Variants in PPP1R12B observed in about 807,000 individuals in gnomAD.
PPP1R12B encodes myosin phosphatase target subunit 2.
In PPP1R12B, 76 loss-of-function variants were observed where a neutral mutation model predicts 126.1. The observed-to-expected ratio is 0.60, with a 90% confidence interval of 0.50 to 0.73. PPP1R12B has a LOEUF of 0.73. PPP1R12B is among the 30% of genes least tolerant of loss of function. The pLI is 0.00. For missense variants in PPP1R12B, 1,052 were observed against 1,205.1 expected (o/e 0.87, Z 1.88); for synonymous variants, 356 against 434.7 (o/e 0.82, Z 2.25).
In PPP1R12B at chr1:202,587,144, T is replaced by TAAAG. The variant is rs146474521; in HGVS notation, c.*6586_*6589dup. The TAAAG allele has an allele frequency of 6.6e-6, 1 of 152,212 alleles. No homozygotes were observed. The highest frequency in any genetic ancestry group is 1.5e-5 in the Non-Finnish European group (1 of 68,046). 9.4% of individuals were successfully genotyped at this position (152,212 alleles called of 1,614,324 possible). A position where few individuals can be genotyped will look rare whatever the true frequency, so the allele number is the denominator to read the frequency against. ...CCAAATTTTTCCCTGATGTTTCCAA[T>TAAAG]AAAGATTTACTTGGGTGGCCCCTTA... On this transcript the variant is annotated 3_prime_UTR_variant, in exon 24 of 24. Transcript: ENST00000608999.
chr1:202,534,107 A>G (rs184959124), intron 18 of PPP1R12B, among the ~76,000 whole-genome samples: 28 of 152,180 alleles, frequency 1.8e-4, no homozygotes, highest in East Asian at 7.7e-4. Flanking sequence ...ATTTATATCA[A>G]TGTCTACTCA....
At chr1:202,370,613 T>C (rs1443763072) in intron 1 of PPP1R12B, among the ~76,000 whole-genome samples, 3 of 152,168 alleles carry the variant, frequency 2.0e-5, no homozygotes, top group Non-Finnish European at 4.4e-5. Flanking sequence ...CTCAGCTCAC[T>C]GCAACCTCCG....
chr1:202,414,856 C>T (rs1240969592), intron 1 of PPP1R12B, among the ~76,000 whole-genome samples: 2 of 152,162 alleles, frequency 1.3e-5, no homozygotes, highest in East Asian at 1.9e-4. Flanking sequence ...GATCACAGCT[C>T]ACTGCAGCCT....
intron 7 of PPP1R12B, 78 bp from the exon 8 acceptor site, chr1:202,431,402 T>C (rs1168024046): frequency 3.3e-6 from 4 of 1,195,644 alleles, no homozygotes; most frequent in South Asian, 1.7e-5. Flanking sequence ...CTTCCACATA[T>C]AGGTTTATAG....
At chr1:202,523,038 A>G (rs757665920) in intron 18 of PPP1R12B, among the ~76,000 whole-genome samples, 17 of 152,242 alleles carry the variant, frequency 1.1e-4, no homozygotes, top group Non-Finnish European at 2.5e-4. Context: ...GAACAGCATA[A>G]TTAACCAGCT....
At chr1:202,457,454 G>A (rs183164519) in intron 13 of PPP1R12B, among the ~76,000 whole-genome samples, 5 of 151,848 alleles carry the variant, frequency 3.3e-5, no homozygotes, top group Non-Finnish European at 2.9e-5. Context: ...TAAGGAGGCC[G>A]AGGCAGGAGA....
intron 1 of PPP1R12B, among the ~76,000 whole-genome samples, chr1:202,353,373 T>C (rs538683239): frequency 1.2e-4 from 18 of 152,260 alleles, no homozygotes; most frequent in African/African-American, 3.9e-4. Flanking sequence ...TCCTGTTTGC[T>C]CCTTTATTAT....
chr1:202,469,240 A>G (rs1231054243), intron 13 of PPP1R12B, among the ~76,000 whole-genome samples: 5 of 152,220 alleles, frequency 3.3e-5, no homozygotes, highest in African/African-American at 1.2e-4. Flanking sequence ...TGTGGGTAGA[A>G]TAGCACTTTT....
At chr1:202,446,174 G>GAAAC (rs1324307712) in intron 12 of PPP1R12B, among the ~76,000 whole-genome samples, 1 of 144,040 alleles carries the variant, frequency 6.9e-6, no homozygotes, top group East Asian at 2.0e-4. Flanking sequence ...CATAGCTGAA[G>GAAAC]AAACAAACAT....
At chr1:202,545,903 A>G (rs917845516) in intron 18 of PPP1R12B, among the ~76,000 whole-genome samples, 24 of 152,246 alleles carry the variant, frequency 1.6e-4, no homozygotes, top group African/African-American at 5.8e-4. Flanking sequence ...GTAATAAGAA[A>G]TGAGAGAGGA....
At chr1:202,383,369 C>T (rs549092396) in intron 1 of PPP1R12B, among the ~76,000 whole-genome samples, 2 of 152,284 alleles carry the variant, frequency 1.3e-5, no homozygotes, top group Admixed American at 6.5e-5. Flanking sequence ...TATTGTCTTA[C>T]ATTTTTATGA....
intron 1 of PPP1R12B, among the ~76,000 whole-genome samples, chr1:202,403,333 A>G (rs1201497375): frequency 1.3e-5 from 2 of 152,244 alleles, no homozygotes; most frequent in African/African-American, 4.8e-5. Context: ...AAAATACCAT[A>G]TGGGCCAAAC....
At chr1:202,357,692 T>G (rs1170418425) in intron 1 of PPP1R12B, among the ~76,000 whole-genome samples, 1 of 152,198 alleles carries the variant, frequency 6.6e-6, no homozygotes, top group Non-Finnish European at 1.5e-5. Flanking sequence ...GTTTGGCCCA[T>G]TTCCCACTCA....
rs542255015 is a variant in PPP1R12B, at chr1:202,449,368, C to T, written c.1850+197C>T. Among the ~76,000 whole-genome samples, 44 of 151,850 alleles carry T rather than the reference C, an allele frequency of 2.9e-4. No individual in the cohort carries two copies. In the South Asian group the frequency reaches 7.7e-3, roughly 27 times the overall value. ...TTGGCTCACTGCAACCTCCTCCTCC[C>T]GGGTTCAAACGATTCTCCTGCCTCA... On this transcript the variant is annotated intron_variant, in intron 13 of 23. Transcript: ENST00000608999.
At chr1:202,393,103 G>C (rs745367446) in intron 1 of PPP1R12B, among the ~76,000 whole-genome samples, 5 of 151,934 alleles carry the variant, frequency 3.3e-5, no homozygotes, top group Admixed American at 6.6e-5. Context: ...ACACCACCAA[G>C]CCTGGCCAAT....
chr1:202,434,329 G>C (rs1670539247), intron 8 of PPP1R12B, among the ~76,000 whole-genome samples: 1 of 152,192 alleles, frequency 6.6e-6, no homozygotes, highest in Non-Finnish European at 1.5e-5. Flanking sequence ...CATAAGAAGT[G>C]AAAGGTAAAA....
chr1:202,458,697 A>G (rs1359957776), intron 13 of PPP1R12B, among the ~76,000 whole-genome samples: 1 of 152,238 alleles, frequency 6.6e-6, no homozygotes, highest in Admixed American at 6.5e-5. Flanking sequence ...TGTTTTGAAA[A>G]CAGCTAAATT....
intron 13 of PPP1R12B, among the ~76,000 whole-genome samples, chr1:202,483,278 C>CTTTTTT (rs71281161): frequency 1.7e-5 from 2 of 118,496 alleles, no homozygotes; most frequent in Admixed American, 9.8e-5. Context: ...TGAAGAACAC[C>CTTTTTT]TTTTTTTTTT....
At chr1:202,513,506 C>T (rs2148899259) in intron 18 of PPP1R12B, among the ~76,000 whole-genome samples, 1 of 152,112 alleles carries the variant, frequency 6.6e-6, no homozygotes, top group African/African-American at 2.4e-5. Context: ...AAGTAAATGT[C>T]CTATAGGCAA....
Sources: gnomAD v4.1 joint callset for allele counts (sites outside exome capture counted in the v4.1 genomes callset) on GRCh38, gnomAD v4.1.1 for gene constraint, MANE v1.5 for transcripts, NCBI Gene and HGNC (gene_info 2026-07-23, HGNC 2026-07-21) for gene names.